Variants in CGNL1 observed in about 807,000 individuals in gnomAD.
CGNL1 encodes the protein cingulin-like protein 1.
A neutral mutation model predicts 141.2 loss-of-function variants in CGNL1; 132 were observed. The observed-to-expected ratio is 0.93, with a 90% CI of 0.81 to 1.08. The LOEUF (loss-of-function observed/expected upper bound fraction) is 1.08, where lower values mean the gene tolerates loss of function less well. Among genes scored for constraint, CGNL1 ranks in the 50% least tolerant of loss-of-function variants. The pLI, the probability that CGNL1 is intolerant of heterozygous loss-of-function variation, is 0.00. For synonymous variants in CGNL1, 690 were observed against 622.1 expected (o/e 1.11, Z -1.63); for missense variants, 1,870 against 1,588.6 (o/e 1.18, Z -3.01).
At chr15:57,508,613 C>T (rs1223890660) in intron 8 of CGNL1, among the ~76,000 whole-genome samples, 3 of 152,216 alleles carry the variant, frequency 2.0e-5, no homozygotes, top group Admixed American at 6.5e-5. Context: ...CCTGCAGTAG[C>T]GCACAAGCGG....
rs919679646 is a variant in CGNL1 at position 57,439,232 on chromosome 15, G to C, written c.1233G>C (p.Leu411Phe). 6.2e-7 allele frequency: 1 copy of C among 1,614,112 alleles called. No individual in the cohort carries two copies. The highest frequency in any genetic ancestry group is 1.3e-5 in the African/African-American group (1 of 75,042). Residue 411 changes from leucine to phenylalanine, a missense_variant, in exon 2 of 19, where the codon TTG (leucine) becomes TTC (phenylalanine). By Grantham distance (22) the Leu-to-Phe change is conservative (BLOSUM62 0). Transcript: ENST00000281282. Reference sequence around the variant, plus strand: ...ACCTGATTGAATTCAGTAGGAACTTGGGCAAGTCAAGCGAACACCTCCTCC... The same window carrying C: ...ACCTGATTGAATTCAGTAGGAACTTCGGCAAGTCAAGCGAACACCTCCTCC... Reference protein sequence around the residue: ...SEYLIEFSRNLGKSSEHLLRP... With the variant: ...SEYLIEFSRNFGKSSEHLLRP...
chr15:57,431,180 C>T (rs943126110), intron 1 of CGNL1, among the ~76,000 whole-genome samples: 1 of 152,146 alleles, frequency 6.6e-6, no homozygotes, highest in Non-Finnish European at 1.5e-5. Context: ...ATTTTTTCCC[C>T]CCAAATAGAA....
At position 57,439,082 on chromosome 15, in the gene CGNL1, T is replaced by C. The variant is rs199973547; in HGVS notation, c.1083T>C (p.Asp361=). ...TGGATCAGTTAATTGAAAAATTTGA[T>C]CAAAAACCTGGGCTTCAGAGAAGAG... ...PGVDQLIEKF[D]QKPGLQRRGR... Residue 361 remains aspartate, a synonymous_variant, in exon 2 of 19, where the codon GAT becomes GAC. Transcript: ENST00000281282. The C allele has an allele frequency of 2.1e-4, 342 of 1,614,084 alleles. 2 individuals are homozygous for C. The highest frequency in any genetic ancestry group is 1.2e-5 in the Non-Finnish European group (14 of 1,180,004).
At chr15:57,472,486 C>T (rs531308002) in intron 8 of CGNL1, among the ~76,000 whole-genome samples, 1 of 152,240 alleles carries the variant, frequency 6.6e-6, no homozygotes, top group East Asian at 1.9e-4. Context: ...TTGACACAGA[C>T]AGATTACTTC....
intron 5 of CGNL1, 98 bp downstream of exon 5, chr15:57,451,699 T>C (rs1327627674): frequency 2.8e-5 from 22 of 793,392 alleles, no homozygotes; most frequent in Non-Finnish European, 4.2e-5. Context: ...AAGCCAATTT[T>C]TTTTCCCCCA....
intron 8 of CGNL1, among the ~76,000 whole-genome samples, chr15:57,475,489 TGTG>T (rs1165724922): frequency 2.4e-5 from 3 of 127,322 alleles, no homozygotes; most frequent in African/African-American, 9.1e-5. Context: ...TATATACAAG[TGTG>T]GTGTGTGTGT....
intron 8 of CGNL1, among the ~76,000 whole-genome samples, chr15:57,465,619 GA>G (rs2063502482): frequency 1.3e-5 from 2 of 151,496 alleles, no homozygotes; most frequent in Non-Finnish European, 2.9e-5. Context: ...TCAAACCCCT[GA>G]CCTCAGGGGA....
At chr15:57,378,363 GTTTTTTTTTTTTTTTTTTTTTTT>G (rs71116514) in intron 1 of CGNL1, among the ~76,000 whole-genome samples, 15 of 33,940 alleles carry the variant, frequency 4.4e-4, no homozygotes, top group South Asian at 1.3e-3. Context: ...CCCTCTATGT[GTTTTTTTTTTTTTTTTTTTTTTT>G]TTTTTTTTTT....
chr15:57,443,880 T>G (rs572535497), intron 4 of CGNL1, among the ~76,000 whole-genome samples: 2 of 152,366 alleles, frequency 1.3e-5, no homozygotes, highest in South Asian at 4.1e-4. Context: ...TAAAGGGTCT[T>G]GAACACAGGG....
At chr15:57,494,698 A>G (rs1487084428) in intron 8 of CGNL1, among the ~76,000 whole-genome samples, 4 of 152,152 alleles carry the variant, frequency 2.6e-5, no homozygotes, top group Admixed American at 6.6e-5. Flanking sequence ...CCATCCCAGA[A>G]CAACTGGATT....
intron 7 of CGNL1, among the ~76,000 whole-genome samples, chr15:57,461,229 T>G (rs1367928808): frequency 6.6e-6 from 1 of 152,182 alleles, no homozygotes; most frequent in African/African-American, 2.4e-5. Flanking sequence ...AAAGTTGTCC[T>G]GAGTACGAGG....
At chr15:57,538,775 C>A (rs562725185) in intron 14 of CGNL1, among the ~76,000 whole-genome samples, 25 of 152,330 alleles carry the variant, frequency 1.6e-4, no homozygotes, top group Admixed American at 3.3e-4. Flanking sequence ...CCTCACTCCA[C>A]CATAGACACG....
intron 8 of CGNL1, among the ~76,000 whole-genome samples, chr15:57,501,317 T>C (rs1272361421): frequency 6.6e-6 from 1 of 152,210 alleles, no homozygotes; most frequent in African/African-American, 2.4e-5. Flanking sequence ...AGCAAAGGAT[T>C]ATAACAGTTA....
At chr15:57,437,619 CAAAAAAAAAAAAAA>C (rs540499763) in intron 1 of CGNL1, among the ~76,000 whole-genome samples, 138 of 36,096 alleles carry the variant, frequency 3.8e-3, no homozygotes, top group African/African-American at 0.014. Context: ...AACTAAACAG[CAAAAAAAAAAAAAA>C]AAAAAAAAAA....
intron 1 of CGNL1, among the ~76,000 whole-genome samples, chr15:57,415,194 A>G (rs2062835544): frequency 6.6e-6 from 1 of 152,212 alleles, no homozygotes; most frequent in African/African-American, 2.4e-5. Flanking sequence ...CATGATAGGC[A>G]TAACAGTGTC....
rs894867913 is a variant in CGNL1, at chr15:57,531,701, T to C, written c.3213T>C (p.Ser1071=). ...RLVKQMEDKV[S]QLEMELEEER... ...GATTTCCTTCTTAGGACAAGGTGTC[T>C]CAACTGGAGATGGAACTGGAAGAAG... Residue 1071 remains serine, a synonymous_variant, in exon 14 of 19, where the codon TCT becomes TCC. Transcript: ENST00000281282. 16 of 1,611,622 alleles carry C rather than the reference T, an allele frequency of 9.9e-6. No individual in the cohort carries two copies. In the African/African-American group the frequency reaches 1.5e-4, roughly 15 times the overall value.
intron 9 of CGNL1, among the ~76,000 whole-genome samples, chr15:57,517,953 C>T (rs766592919): frequency 4.0e-5 from 6 of 151,368 alleles, no homozygotes; most frequent in Non-Finnish European, 7.4e-5. Flanking sequence ...CATTCAATAC[C>T]TACTGTTTTC....
chr15:57,381,144 G>C (rs957671680), intron 1 of CGNL1, among the ~76,000 whole-genome samples: 1 of 152,198 alleles, frequency 6.6e-6, no homozygotes, highest in Non-Finnish European at 1.5e-5. Flanking sequence ...GTGCCAGGTA[G>C]CATGCTCAGC....
intron 1 of CGNL1, among the ~76,000 whole-genome samples, chr15:57,413,995 C>T (rs1490458351): frequency 4.6e-5 from 7 of 152,206 alleles, no homozygotes; most frequent in African/African-American, 1.4e-4. Context: ...AATATTCTAA[C>T]AGAAATGAAA....
Sources: gnomAD v4.1 joint callset for allele counts (sites outside exome capture counted in the v4.1 genomes callset) on GRCh38, gnomAD v4.1.1 for gene constraint, MANE v1.5 for transcripts, NCBI Gene and HGNC (gene_info 2026-07-23, HGNC 2026-07-21) for gene names.